TMEM132E: variants seen among roughly 807,000 people sequenced by gnomAD.
The protein encoded by TMEM132E is transmembrane protein 132E.
In TMEM132E, 49 loss-of-function variants were observed where a neutral mutation model predicts 78.5. That is an observed-to-expected ratio of 0.62 (90% CI 0.50 to 0.79). The LOEUF (loss-of-function observed/expected upper bound fraction) is 0.79. Among genes scored for constraint, TMEM132E ranks in the 30% least tolerant of loss-of-function variants. The probability of loss-of-function intolerance (pLI) is 0.00; values close to 1 mark genes in which losing one functional copy is unlikely to be tolerated. For synonymous variants in TMEM132E, 715 were observed against 670.6 expected (o/e 1.07, Z -1.02); for missense variants, 1,403 against 1,470.9 (o/e 0.95, Z 0.75).
chr17:34,586,994 C>CT (rs1416508590), intron 1 of TMEM132E, among the ~76,000 whole-genome samples: 2 of 152,114 alleles, frequency 1.3e-5, no homozygotes, highest in Admixed American at 1.3e-4. Context: ...TCTTACATGA[C>CT]TTTTTTTGTT....
At chr17:34,627,122 G>T in intron 2 of TMEM132E, 65 bp downstream of exon 2, 1 of 1,489,452 alleles carries the variant, frequency 6.7e-7, no homozygotes, top group Non-Finnish European at 9.3e-7. Flanking sequence ...CTGACTCCTT[G>T]TGGGTGGGTT....
chr17:34,636,031 G>A lies in TMEM132E; in HGVS notation c.2002G>A (p.Val668Met), dbSNP rs1907508091. The change falls in exon 8 of 9, where the codon GTG (valine) becomes ATG (methionine). Residue 668 changes from valine (V) to methionine (M), a missense_variant. Around this residue, in one of 3 missense-constraint regions of TMEM132E, gnomAD observed 888 missense variants for 952.8 expected, o/e 0.93. Coordinates refer to ENST00000631683, the MANE Select transcript of TMEM132E (RefSeq NM_001304438.2). Reference sequence around the variant, plus strand: ...GGTGGTGTCTCCGCTGACGGAGGCTGTGCTCGGGGAGACGCTGCTGACGGT... The same window carrying A: ...GGTGGTGTCTCCGCTGACGGAGGCTATGCTCGGGGAGACGCTGCTGACGGT... Reference protein sequence around the residue: ...FKVVSPLTEAVLGETLLTVTE... With the variant: ...FKVVSPLTEAMLGETLLTVTE... 2 of 1,534,954 alleles carry A rather than the reference G, an allele frequency of 1.3e-6. No homozygotes were observed. The highest frequency in any genetic ancestry group is 1.4e-5 in the African/African-American group (1 of 70,724).
rs533205384 is a variant in TMEM132E at position 34,626,521 on chromosome 17, C to T, written c.462C>T (p.Asp154=). The change falls in exon 2 of 9, where the codon GAC becomes GAT. Residue 154 remains aspartate (D), a synonymous_variant. Coordinates refer to ENST00000631683, the MANE Select transcript of TMEM132E (RefSeq NM_001304438.2). The part of the protein sequence containing the change: ...VLFYVAGRDW[D]DFGVTERLPC... ...TCTACGTAGCCGGCCGGGACTGGGA[C>T]GACTTCGGCGTCACCGAGCGGCTGC... 20 of 1,605,000 alleles carry T rather than the reference C, an allele frequency of 1.2e-5. No individual in the cohort carries two copies. Among genetic ancestry groups the T allele is most frequent in the Middle Eastern group, 1.7e-4 (1 of 6,054 alleles).
intron 1 of TMEM132E, among the ~76,000 whole-genome samples, chr17:34,600,918 T>C (rs1597679841): frequency 6.6e-6 from 1 of 152,156 alleles, no homozygotes; most frequent in Non-Finnish European, 1.5e-5. Context: ...CTCAAGCCCC[T>C]AGGCCCTCGC....
At chr17:34,624,785 T>C (rs1302212206) in intron 1 of TMEM132E, among the ~76,000 whole-genome samples, 1 of 152,168 alleles carries the variant, frequency 6.6e-6, no homozygotes, top group African/African-American at 2.4e-5. Context: ...TGTAAGCAGA[T>C]AGGAGCGCTT....
chr17:34,626,759 T>C lies in TMEM132E; in HGVS notation c.700T>C (p.Tyr234His). ...TGESQQAELY[Y>H]TLHAPDASGG... ...GGAGAGCCAGCAGGCCGAGCTCTAC[T>C]ACACGCTCCACGCCCCTGATGCGTC... The change falls in exon 2 of 9, where the codon TAC (tyrosine) becomes CAC (histidine). Residue 234 changes from tyrosine to histidine, a missense_variant. Around this residue, in one of 3 missense-constraint regions of TMEM132E, gnomAD observed 511 missense variants for 499.0 expected, o/e 1.02. Coordinates refer to ENST00000631683, the MANE Select transcript of TMEM132E (RefSeq NM_001304438.2). 1 of 1,437,912 alleles carries C rather than the reference T, an allele frequency of 7.0e-7. No individual in the cohort carries two copies. The highest frequency in any genetic ancestry group is 9.3e-7 in the Non-Finnish European group (1 of 1,080,726). 89.1% of individuals were successfully genotyped at this position (1,437,912 alleles called of 1,614,324 possible). A position where few individuals can be genotyped will look rare whatever the true frequency, so the allele number is the denominator to read the frequency against.
chr17:34,615,919 TA>T (rs972608915), intron 1 of TMEM132E, among the ~76,000 whole-genome samples: 1 of 151,924 alleles, frequency 6.6e-6, no homozygotes, highest in African/African-American at 2.4e-5. Flanking sequence ...ATTTCACAGG[TA>T]ATCTTATAAC....
At chr17:34,629,702 G>A (rs1179912649) in intron 4 of TMEM132E, among the ~76,000 whole-genome samples, 1 of 152,192 alleles carries the variant, frequency 6.6e-6, no homozygotes, top group Non-Finnish European at 1.5e-5. Context: ...GGATGTTACT[G>A]TGTGAGTCCT....
Position 34,626,961 on chromosome 17 carries a change from G to A in TMEM132E, c.902G>A (p.Arg301Gln), listed in dbSNP as rs1474930655. The change falls in exon 2 of 9, where the codon CGG (arginine) becomes CAG (glutamine). Residue 301 changes from arginine (R) to glutamine (Q), a missense_variant. By Grantham distance (43) the Arg-to-Gln change is conservative (BLOSUM62 1). Coordinates refer to ENST00000631683, the MANE Select transcript of TMEM132E (RefSeq NM_001304438.2). ...DSNLMIRLPD[R>Q]PLKPGEVLSI... ...AACCTGATGATCCGCCTGCCAGACC[G>A]GCCCCTCAAGCCCGGGGAAGTGCTC... 23 of 1,613,792 alleles carry A rather than the reference G, an allele frequency of 1.4e-5. No homozygotes were observed. Among genetic ancestry groups the A allele is most frequent in the Non-Finnish European group, 1.9e-5 (22 of 1,180,032 alleles).
intron 6 of TMEM132E, among the ~76,000 whole-genome samples, chr17:34,633,753 G>A (rs757312141): frequency 6.6e-6 from 1 of 152,210 alleles, no homozygotes; most frequent in South Asian, 2.1e-4. Context: ...ATGTGTACAC[G>A]AATCACCTGG....
At position 34,626,118 on chromosome 17, in the gene TMEM132E, T is replaced by C; in HGVS notation, c.68-9T>C. 6.7e-7 allele frequency: 1 copy of C among 1,499,748 alleles called. No homozygotes were observed. The highest frequency in any genetic ancestry group is 1.4e-5 in the South Asian group (1 of 72,544). 92.9% of individuals were successfully genotyped at this position (1,499,748 alleles called of 1,614,324 possible). ...CCACCCTGGGCCTCTTTCCTCTGTC[T>C]GTCCCCAGCCTCTGGCCGCTCCCAC... On this transcript the variant is annotated splice_polypyrimidine_tract_variant and intron_variant, in intron 1 of 8. Coordinates refer to ENST00000631683, the MANE Select transcript of TMEM132E (RefSeq NM_001304438.2).
At chr17:34,631,344 G>A (rs1283323697) in intron 5 of TMEM132E, among the ~76,000 whole-genome samples, 1 of 152,114 alleles carries the variant, frequency 6.6e-6, no homozygotes, top group Non-Finnish European at 1.5e-5. Flanking sequence ...AGAAGCCTGT[G>A]AGCTGTCCAC....
At chr17:34,617,216 G>C (rs989686174) in intron 1 of TMEM132E, among the ~76,000 whole-genome samples, 6 of 152,230 alleles carry the variant, frequency 3.9e-5, no homozygotes, top group Non-Finnish European at 7.3e-5. Flanking sequence ...AAGAAGCTGA[G>C]GCCCAGAGAA....
rs758035024 is a variant in TMEM132E, at chr17:34,638,243, C to T, written c.*11C>T. Reference sequence around the variant, plus strand: ...AAAGAGATTGCATAGAGGCGCCAGCCGGAGTAGCAGGGACCCCCCCCCCCA... The same window carrying T: ...AAAGAGATTGCATAGAGGCGCCAGCTGGAGTAGCAGGGACCCCCCCCCCCA... On this transcript the variant is annotated 3_prime_UTR_variant, in exon 9 of 9. Coordinates refer to ENST00000631683, the MANE Select transcript of TMEM132E (RefSeq NM_001304438.2). The T allele has an allele frequency of 3.9e-6, 6 of 1,519,416 alleles. No homozygotes were observed. The highest frequency in any genetic ancestry group is 5.3e-6 in the Non-Finnish European group (6 of 1,134,970). 94.1% of individuals were successfully genotyped at this position (1,519,416 alleles called of 1,614,324 possible). A position where few individuals can be genotyped will look rare whatever the true frequency, so the allele number is the denominator to read the frequency against.
Position 34,626,282 on chromosome 17 carries a change from C to A in TMEM132E, c.223C>A (p.Arg75Ser). The change falls in exon 2 of 9, where the codon CGC becomes AGC. Residue 75 changes from arginine (R) to serine (S), a missense_variant. By Grantham distance (110) the Arg-to-Ser change is moderately radical (BLOSUM62 -1). Transcript: ENST00000631683. ...SPAVANSSLQ[R>S]SEPFVVFQTK... Reference sequence around the variant, plus strand: ...CGCGGTCGCCAACAGCTCTCTGCAGCGCTCCGAGCCCTTCGTGGTGTTCCA... The same window carrying A: ...CGCGGTCGCCAACAGCTCTCTGCAGAGCTCCGAGCCCTTCGTGGTGTTCCA... 4.4e-6 allele frequency: 7 copies of A among 1,608,982 alleles called. No homozygotes were observed. The highest frequency in any genetic ancestry group is 4.2e-6 in the Non-Finnish European group (5 of 1,178,058).
chr17:34,599,155 T>C (rs923136433), intron 1 of TMEM132E, among the ~76,000 whole-genome samples: 11 of 152,296 alleles, frequency 7.2e-5, no homozygotes, highest in African/African-American at 2.6e-4. Flanking sequence ...GGAGTGAGGT[T>C]CCTGGTTCTG....
In TMEM132E at chr17:34,637,452, G is replaced by T; in HGVS notation, c.2445G>T (p.Arg815Ser). ...TPVGLRVHFG[R>S]DEEDPTYDYP... is the part of the protein sequence containing the mutation. ...TGGGCCTGCGGGTGCACTTTGGGAG[G>T]GACGAGGAGGACCCCACTTATGACT... The change falls in exon 9 of 9, where the codon AGG becomes AGT. Residue 815 changes from arginine (R) to serine (S), a missense_variant. Arg to Ser is a moderately radical substitution (Grantham distance 110). Transcript: ENST00000631683. The T allele has an allele frequency of 6.2e-7, 1 of 1,613,414 alleles. No individual in the cohort carries two copies. Among genetic ancestry groups the T allele is most frequent in the Non-Finnish European group, 8.5e-7 (1 of 1,179,994 alleles).
In TMEM132E at chr17:34,589,338, C is replaced by T. The variant is rs568745501; in HGVS notation, c.67+8195C>T. On this transcript the variant is annotated intron_variant, in intron 1 of 8. Transcript: ENST00000631683. The stretch of plus-strand genomic sequence containing the variant: ...AGGAGGGAGGGGAAAGGGCCAGGGG[C>T]GCCCTTGTAGTCACAGTGACTGGCA... 2.5e-4 allele frequency among the ~76,000 whole-genome samples: 38 copies of T among 152,176 alleles called. 1 individual carries two copies. In the South Asian group the frequency reaches 5.0e-3, roughly 20 times the overall value.
intron 1 of TMEM132E, among the ~76,000 whole-genome samples, chr17:34,616,801 C>G (rs1252829763): frequency 6.6e-6 from 1 of 152,192 alleles, no homozygotes; most frequent in African/African-American, 2.4e-5. Flanking sequence ...CCCTCTTCTC[C>G]CCTCTGGCCC....
Sources: allele counts gnomAD v4.1 joint callset (sites outside exome capture counted in the v4.1 genomes callset), GRCh38; gene constraint gnomAD v4.1.1; regional missense constraint gnomAD v4.1.1; transcripts MANE v1.5; gene names NCBI Gene and HGNC (gene_info 2026-07-23, HGNC 2026-07-21).